Variants in PALS1 observed in about 807,000 individuals in gnomAD.
PALS1 encodes protein associated with LIN7 1, MAGUK p55 family member.
PALS1 carries 31 observed loss-of-function variants against 78.9 expected under a neutral mutation model. The ratio of observed to expected loss-of-function variants is 0.39; its 90% CI spans 0.30 to 0.53. The LOEUF (loss-of-function observed/expected upper bound fraction) is 0.53, where lower values mean the gene tolerates loss of function less well. Ranked by LOEUF, PALS1 falls within the 20% of genes least tolerant of loss-of-function variation. The pLI is 0.67. For missense variants in PALS1, 704 were observed against 826.5 expected, an observed-to-expected ratio of 0.85 and a Z score of 1.82; for synonymous variants, 276 against 270.9, an observed-to-expected ratio of 1.02 and a Z score of -0.18.
rs2085366068 is a variant in PALS1 at position 67,326,824 on chromosome 14, A to T, written c.1851+3012A>T. Among the ~76,000 whole-genome samples the T allele has an allele frequency of 1.3e-5, 2 of 152,238 alleles. 1 individual carries two copies. Among genetic ancestry groups the T allele is most frequent in the South Asian group, 4.1e-4 (2 of 4,838 alleles). Reference sequence around the variant, plus strand: ...TCATTCCCTCTTAATGCTGAGTAATATACTATGATATTAATATACCACAAT... The same window carrying T: ...TCATTCCCTCTTAATGCTGAGTAATTTACTATGATATTAATATACCACAAT... On this transcript the variant is annotated intron_variant, in intron 14 of 14. Coordinates refer to ENST00000261681, the MANE Select transcript of PALS1 (RefSeq NM_022474.4).
chr14:67,322,383 T>TG (rs1046201951), intron 13 of PALS1, among the ~76,000 whole-genome samples: 1 of 152,124 alleles, frequency 6.6e-6, no homozygotes, highest in African/African-American at 2.4e-5. Flanking sequence ...TTTAGAAACT[T>TG]GGAGTTTTTA....
chr14:67,279,565 A>G, intron 3 of PALS1, 28 bp downstream of exon 3: 1 of 1,500,936 alleles, frequency 6.7e-7, no homozygotes, highest in Non-Finnish European at 8.9e-7. Context: ...TATAACAGAA[A>G]ACATTTTGCT....
intron 1 of PALS1, among the ~76,000 whole-genome samples, chr14:67,249,635 TA>T (rs1171449404): frequency 6.6e-6 from 1 of 152,234 alleles, no homozygotes; most frequent in African/African-American, 2.4e-5. Flanking sequence ...TGTCTATAGT[TA>T]TCTTTTGAGT....
intron 2 of PALS1, among the ~76,000 whole-genome samples, chr14:67,274,658 G>A (rs2084468732): frequency 6.6e-6 from 1 of 152,170 alleles, no homozygotes; most frequent in Non-Finnish European, 1.5e-5. Flanking sequence ...ATTCTGTGAA[G>A]AAAGTCATTG....
At chr14:67,323,871 C>G (rs2085308179) in intron 14 of PALS1, 59 bp downstream of exon 14, 1 of 852,400 alleles carries the variant, frequency 1.2e-6, no homozygotes, top group Admixed American at 2.7e-5. Flanking sequence ...CAGTCCTGGT[C>G]TAATTTGTCC....
chr14:67,289,921 C>T (rs1157744672), intron 3 of PALS1, among the ~76,000 whole-genome samples: 1 of 152,022 alleles, frequency 6.6e-6, no homozygotes, highest in African/African-American at 2.4e-5. Flanking sequence ...CAGGCACCCA[C>T]CACCACGCCC....
At position 67,279,120 on chromosome 14, in the gene PALS1, T is replaced by A; in HGVS notation, c.-51T>A. The A allele has an allele frequency of 6.7e-7, 1 of 1,485,928 alleles. No individual in the cohort carries two copies. The highest frequency in any genetic ancestry group is 8.9e-7 in the Non-Finnish European group (1 of 1,119,446). The allele number at this position is 1,485,928 out of a possible 1,614,324, so 92.0% of individuals were successfully genotyped here. On this transcript the variant is annotated 5_prime_UTR_variant, in exon 3 of 15. Coordinates refer to ENST00000261681, the MANE Select transcript of PALS1 (RefSeq NM_022474.4). ...ATACTACAGAATCAAGAGAATTGGC[T>A]TATAGGAAAAATTGATTTATAAAAA... is the stretch of plus-strand genomic sequence containing the variant.
chr14:67,282,190 T>A (rs531838577), intron 3 of PALS1, among the ~76,000 whole-genome samples: 1 of 152,284 alleles, frequency 6.6e-6, no homozygotes, highest in South Asian at 2.1e-4. Flanking sequence ...GTGTAATAGC[T>A]TTTTGCCAAA....
At chr14:67,318,606 AGAG>A (rs138341866) in intron 11 of PALS1, among the ~76,000 whole-genome samples, 1,956 of 152,244 alleles carry the variant, frequency 0.013, 41 homozygotes, top group African/African-American at 0.043. Context: ...AATCATTTTG[AGAG>A]GAGAAGGAAT....
At chr14:67,256,086 C>G (rs186059205) in intron 1 of PALS1, among the ~76,000 whole-genome samples, 236 of 145,914 alleles carry the variant, frequency 1.6e-3, no homozygotes, top group African/African-American at 6.0e-3. Flanking sequence ...ATTATAAAAG[C>G]AACACATACT....
Position 67,321,216 on chromosome 14 carries a change from T to G in PALS1, c.1697T>G (p.Val566Gly). The G allele has an allele frequency of 6.2e-7, 1 of 1,614,234 alleles. No homozygotes were observed. Among genetic ancestry groups the G allele is most frequent in the South Asian group, 1.1e-5 (1 of 91,088 alleles). ...YGTSIDSVRQ[V>G]INSGKICLLS... is the part of the protein sequence containing the mutation. ...ACTAGCATAGATTCTGTACGGCAAG[T>G]GATCAACTCTGGCAAAATATGTCTT... The change falls in exon 13 of 15, where the codon GTG becomes GGG. Residue 566 changes from valine (V) to glycine (G), a missense_variant. Transcript: ENST00000261681.
intron 3 of PALS1, among the ~76,000 whole-genome samples, chr14:67,282,995 C>T (rs1188036857): frequency 1.3e-5 from 2 of 152,036 alleles, no homozygotes; most frequent in Non-Finnish European, 2.9e-5. Context: ...TGACTGCCAT[C>T]TATCATATAT....
At chr14:67,261,528 G>A (rs1056695223) in intron 1 of PALS1, among the ~76,000 whole-genome samples, 3 of 152,066 alleles carry the variant, frequency 2.0e-5, no homozygotes, top group Non-Finnish European at 2.9e-5. Context: ...TATATTTTTA[G>A]GATATTCATT....
chr14:67,290,966 A>G (rs2084762815), intron 3 of PALS1, among the ~76,000 whole-genome samples: 1 of 152,248 alleles, frequency 6.6e-6, no homozygotes, highest in Non-Finnish European at 1.5e-5. Flanking sequence ...AATAAAGTAG[A>G]AATTATAAAA....
At position 67,266,578 on chromosome 14, in the gene PALS1, G is replaced by A. The variant is rs567058549; in HGVS notation, c.-236-3123G>A. 3.6e-4 allele frequency among the ~76,000 whole-genome samples: 54 copies of A among 151,748 alleles called. 1 individual carries two copies. The South Asian group carries it at 4.0e-3, about 11-fold the overall frequency. On this transcript the variant is annotated intron_variant, in intron 1 of 14. Coordinates refer to ENST00000261681, the MANE Select transcript of PALS1 (RefSeq NM_022474.4). The stretch of plus-strand genomic sequence containing the variant: ...TGACCTCAAGTGATCCACATGCCTC[G>A]GCCTCCCAAAGTGTTGGGATTACAG...
intron 3 of PALS1, among the ~76,000 whole-genome samples, chr14:67,284,152 G>C (rs564156235): frequency 6.6e-6 from 1 of 152,234 alleles, no homozygotes; most frequent in East Asian, 1.9e-4. Flanking sequence ...AGAAGCTACA[G>C]AGAGATCATC....
At chr14:67,302,598 T>C (rs768245783) in intron 7 of PALS1, 27 bp downstream of exon 7, 2 of 1,421,392 alleles carry the variant, frequency 1.4e-6, no homozygotes, top group South Asian at 1.8e-5. Context: ...AGAAGAATAA[T>C]TGATAGCTTT....
intron 4 of PALS1, among the ~76,000 whole-genome samples, chr14:67,297,274 T>C (rs1208363908): frequency 2.6e-5 from 4 of 152,346 alleles, no homozygotes; most frequent in Admixed American, 2.6e-4. Context: ...GAAGAAGTAA[T>C]GAATTATGAA....
intron 4 of PALS1, among the ~76,000 whole-genome samples, chr14:67,300,053 T>C (rs374331254): frequency 2.6e-5 from 4 of 152,172 alleles, no homozygotes; most frequent in South Asian, 2.1e-4. Flanking sequence ...CTTAAAGCCT[T>C]GTCCATTGTA....
Sources: gnomAD v4.1 joint callset for allele counts (sites outside exome capture counted in the v4.1 genomes callset) on GRCh38, gnomAD v4.1.1 for gene constraint, MANE v1.5 for transcripts, NCBI Gene and HGNC (gene_info 2026-07-23, HGNC 2026-07-21) for gene names.